AHI1: variants seen among roughly 807,000 people sequenced by gnomAD.
The protein encoded by AHI1 is Abelson helper integration site 1, also known as jouberin.
AHI1 carries 123 observed loss-of-function variants against 149.3 expected under a neutral mutation model. The observed-to-expected ratio is 0.82, with a 90% CI of 0.71 to 0.96. AHI1 has a LOEUF of 0.96. Ranked by LOEUF, AHI1 falls within the 40% of genes least tolerant of loss-of-function variation. The pLI is 0.00. For synonymous variants in AHI1, 475 were observed against 459.8 expected (o/e 1.03, Z -0.42); for missense variants, 1,439 against 1,422.7 (o/e 1.01, Z -0.18).
chr6:135,360,431 G>A (rs1793683095), intron 23 of AHI1, among the ~76,000 whole-genome samples: 1 of 152,190 alleles, frequency 6.6e-6, no homozygotes, highest in South Asian at 2.1e-4. Context: ...TCACCTGAGA[G>A]CGAGGGGATT....
chr6:135,339,649 T>C (rs930145551), intron 24 of AHI1, among the ~76,000 whole-genome samples: 12 of 151,840 alleles, frequency 7.9e-5, no homozygotes, highest in African/African-American at 2.4e-4. Flanking sequence ...AGAAGGAAAA[T>C]AGAATGAACA....
intron 11 of AHI1, among the ~76,000 whole-genome samples, chr6:135,452,134 A>G (rs1439164975): frequency 6.6e-6 from 1 of 152,264 alleles, no homozygotes; most frequent in Non-Finnish European, 1.5e-5. Flanking sequence ...ACAGGTCTGT[A>G]TAGAAATTAA....
At chr6:135,384,108 A>C (rs372090862) in intron 23 of AHI1, among the ~76,000 whole-genome samples, 2 of 152,236 alleles carry the variant, frequency 1.3e-5, no homozygotes, top group African/African-American at 4.8e-5. Flanking sequence ...AAATGTTTTC[A>C]ACAGTATGCC....
At chr6:135,456,627 T>C (rs978253892) in intron 9 of AHI1, among the ~76,000 whole-genome samples, 28 of 152,210 alleles carry the variant, frequency 1.8e-4, no homozygotes, top group African/African-American at 6.3e-4. Flanking sequence ...CATATTTTCT[T>C]TGTGTGCCCT....
chr6:135,290,356 G>T, intron 28 of AHI1, 67 bp downstream of exon 28: 1 of 967,514 alleles, frequency 1.0e-6, no homozygotes, highest in South Asian at 1.4e-5. Flanking sequence ...TGTCCTTGCT[G>T]ACCATGCTTT....
rs112811388 is a variant in AHI1 at position 135,383,849 on chromosome 6, C to A, written c.3109+10927G>T. Among the ~76,000 whole-genome samples, 1,400 of 152,142 alleles carry A rather than the reference C, an allele frequency of 9.2e-3. 18 individuals carry two copies. The highest frequency in any genetic ancestry group is 0.031 in the African/African-American group (1,305 of 41,496). On this transcript the variant is annotated intron_variant, in intron 23 of 28. Transcript: ENST00000265602. ...AAACTATAAAAAAATAAAGTTATGC[C>A]TGGTCAAAATAATTTAGCTACTTTA...
At chr6:135,372,557 T>C (rs1440514152) in intron 23 of AHI1, among the ~76,000 whole-genome samples, 2 of 148,736 alleles carry the variant, frequency 1.3e-5, no homozygotes, top group African/African-American at 5.0e-5. Flanking sequence ...TGGATGTGGG[T>C]GTGCATGTGT....
chr6:135,346,290 G>C (rs1791196550), intron 24 of AHI1, among the ~76,000 whole-genome samples: 1 of 152,144 alleles, frequency 6.6e-6, no homozygotes, highest in Non-Finnish European at 1.5e-5. Flanking sequence ...CACCTCCCGG[G>C]TTCACGCCAT....
In AHI1 at chr6:135,284,106, T is replaced by A. The variant is rs534466112; in HGVS notation, c.*1539A>T. 1 of 152,316 alleles carries A rather than the reference T, an allele frequency of 6.6e-6. No individual in the cohort carries two copies. The highest frequency in any genetic ancestry group is 1.9e-4 in the East Asian group (1 of 5,194). 9.4% of individuals were successfully genotyped at this position (152,316 alleles called of 1,614,324 possible). A position where few individuals can be genotyped will look rare whatever the true frequency, so the allele number is the denominator to read the frequency against. On this transcript the variant is annotated 3_prime_UTR_variant, in exon 29 of 29. Transcript: ENST00000265602. Reference sequence around the variant, plus strand: ...CCCAGCTGTACCTGACACACAGACTTATACATCCAGAACAATGAAAACTCA... The same window carrying A: ...CCCAGCTGTACCTGACACACAGACTAATACATCCAGAACAATGAAAACTCA...
At chr6:135,324,380 C>T (rs1464054294) in intron 24 of AHI1, among the ~76,000 whole-genome samples, 1 of 150,700 alleles carries the variant, frequency 6.6e-6, no homozygotes, top group South Asian at 2.1e-4. Flanking sequence ...GGCAGGAAGA[C>T]CTCAATTCAT....
intron 26 of AHI1, chr6:135,301,523 G>A: frequency 2.0e-6 from 2 of 985,362 alleles, no homozygotes; most frequent in South Asian, 9.4e-5. Context: ...TCATTCTTCA[G>A]CAAGATTTGG....
intron 26 of AHI1, chr6:135,302,958 A>G (rs1409455666): frequency 2.2e-6 from 1 of 459,332 alleles, no homozygotes; most frequent in Non-Finnish European, 3.5e-6. Context: ...TTTCCTCTTC[A>G]TGGATATCAT....
At chr6:135,433,599 C>T (rs1008807799) in intron 15 of AHI1, among the ~76,000 whole-genome samples, 2 of 151,970 alleles carry the variant, frequency 1.3e-5, no homozygotes, top group African/African-American at 4.8e-5. Context: ...GTACAATATA[C>T]ATAAAAAATA....
intron 18 of AHI1, 33 bp from the exon 19 acceptor site, chr6:135,428,792 G>C (rs181137630): frequency 2.6e-6 from 4 of 1,551,542 alleles, no homozygotes; most frequent in African/African-American, 2.7e-5. Flanking sequence ...AAATGTAACT[G>C]TCTTAATCAT....
At chr6:135,296,569 G>A (rs1164400065) in intron 27 of AHI1, among the ~76,000 whole-genome samples, 1 of 151,860 alleles carries the variant, frequency 6.6e-6, no homozygotes, top group Non-Finnish European at 1.5e-5. Context: ...TCTGCTTCAG[G>A]GCCCGCTGCA....
chr6:135,418,502 GA>G (rs1782691997), intron 20 of AHI1, among the ~76,000 whole-genome samples: 1 of 152,018 alleles, frequency 6.6e-6, no homozygotes, highest in African/African-American at 2.4e-5. Flanking sequence ...AAACAATTAT[GA>G]AAAAATAATG....
Position 135,497,733 on chromosome 6 carries a change from G to C in AHI1, c.-352C>G, listed in dbSNP as rs569590850. 20 of 173,952 alleles carry C rather than the reference G, an allele frequency of 1.1e-4. No homozygotes were observed. Among genetic ancestry groups the C allele is most frequent in the African/African-American group, 4.6e-4 (19 of 41,680 alleles). The allele number at this position is 173,952 out of a possible 1,614,324, so 10.8% of individuals were successfully genotyped here. ...GACCCGTGTCCTGAAAGCAAGCCGC[G>C]GCTCTGTGCCGCAGTGCGGACAGCG... On this transcript the variant is annotated 5_prime_UTR_variant, in exon 1 of 29. Coordinates refer to ENST00000265602, the MANE Select transcript of AHI1 (RefSeq NM_001134831.2).
intron 26 of AHI1, among the ~76,000 whole-genome samples, chr6:135,317,383 C>T (rs1786118757): frequency 6.6e-6 from 1 of 150,934 alleles, no homozygotes. Flanking sequence ...CATAATCATA[C>T]CATCCCATAA....
intron 3 of AHI1, chr6:135,492,769 G>A: frequency 1.0e-6 from 1 of 985,166 alleles, no homozygotes; most frequent in Non-Finnish European, 1.2e-6. Flanking sequence ...CAATAGAGAA[G>A]GATAGTACAA....
Sources: allele counts gnomAD v4.1 joint callset (sites outside exome capture counted in the v4.1 genomes callset), GRCh38; gene constraint gnomAD v4.1.1; transcripts MANE v1.5; gene names NCBI Gene and HGNC (gene_info 2026-07-23, HGNC 2026-07-21).